DOC2A: variants seen among roughly 807,000 people sequenced by gnomAD.
DOC2A encodes double C2-like domain-containing protein alpha.
DOC2A carries 28 observed loss-of-function variants against 40.6 expected under a neutral mutation model. The ratio of observed to expected loss-of-function variants is 0.69; its 90% CI spans 0.51 to 0.95. DOC2A has a LOEUF of 0.95. Ranked by LOEUF, DOC2A falls within the 40% of genes least tolerant of loss-of-function variation. DOC2A has a pLI of 0.00. For synonymous variants in DOC2A, 241 were observed against 236.9 expected (o/e 1.02, Z -0.16); for missense variants, 474 against 552.5 (o/e 0.86, Z 1.42).
At chr16:30,018,808 AG>A (rs2070882377) in intron 1 of DOC2A, 1 of 152,288 alleles carries the variant, frequency 6.6e-6, no homozygotes, top group Non-Finnish European at 1.5e-5. Context: ...GAATATAGAT[AG>A]CAAGACAAGG....
chr16:30,007,536 C>A, intron 5 of DOC2A: 1 of 582,618 alleles, frequency 1.7e-6, no homozygotes, highest in Non-Finnish European at 3.1e-6. Context: ...CCTCAGAAAT[C>A]TTGGAGCACG....
chr16:30,016,055 ATTTTTT>A (rs59271933), upstream of DOC2A, among the ~76,000 whole-genome samples: 22 of 16,888 alleles, frequency 1.3e-3, no homozygotes, highest in South Asian at 7.6e-3. Flanking sequence ...ATATATATAT[ATTTTTT>A]TTTTTTTTTT....
upstream of DOC2A, among the ~76,000 whole-genome samples, chr16:30,013,000 C>CAAAA (rs1440483207): frequency 1.3e-5 from 2 of 151,496 alleles, no homozygotes; most frequent in East Asian, 3.9e-4. Flanking sequence ...TCAAAACAAA[C>CAAAA]AAACAAACAA....
At chr16:30,020,155 T>C (rs1040623450) in intron 1 of DOC2A, among the ~76,000 whole-genome samples, 36 of 151,986 alleles carry the variant, frequency 2.4e-4, no homozygotes, top group African/African-American at 8.2e-4. Flanking sequence ...GTGATCCACT[T>C]GCCTCGGCCT....
upstream of DOC2A, among the ~76,000 whole-genome samples, chr16:30,015,838 C>T (rs1199677439): frequency 6.7e-6 from 1 of 148,936 alleles, no homozygotes; most frequent in African/African-American, 2.5e-5. Context: ...GTAGCTGGGA[C>T]TATAGGTATG....
chr16:30,017,235 A>G (rs2070863418), upstream of DOC2A, among the ~76,000 whole-genome samples: 1 of 151,624 alleles, frequency 6.6e-6, no homozygotes, highest in Non-Finnish European at 1.5e-5. Flanking sequence ...GCCAAGATCA[A>G]GCCACTGTAC....
At position 30,011,020 on chromosome 16, in the gene DOC2A, G is replaced by A. The variant is rs533704391; in HGVS notation, c.-131C>T. The A allele has an allele frequency of 1.0e-5, 10 of 988,194 alleles. No homozygotes were observed. The South Asian group carries it at 3.5e-4, about 34-fold the overall frequency. The allele number at this position is 988,194 out of a possible 1,614,324, so 61.2% of individuals were successfully genotyped here. ...CGAGCCGAGAGGGAGGGAGCGCCGA[G>A]AAAGTGCGGGGAGGAGGGGGTGAGC... is the stretch of plus-strand genomic sequence containing the variant. On this transcript the variant is annotated 5_prime_UTR_variant, in exon 1 of 11. Coordinates refer to ENST00000350119, the MANE Select transcript of DOC2A (RefSeq NM_003586.3).
Position 30,006,704 on chromosome 16 carries a change from C to A in DOC2A, c.879-27G>T. On this transcript the variant is annotated intron_variant, in intron 8 of 10. Transcript: ENST00000350119. This position sits in a 1 kb window ranked among gnomAD's most constrained non-coding sequence, Gnocchi z 6.2. ...TGGGGGTGGGGTGGAGGGAGACGAA[C>A]TGAGGGGTGAGGGACAGGCCAGGCC... 5 of 1,613,750 alleles carry A rather than the reference C, an allele frequency of 3.1e-6. No homozygotes were observed. The highest frequency in any genetic ancestry group is 4.2e-6 in the Non-Finnish European group (5 of 1,179,940).
In DOC2A at chr16:30,010,359, G is replaced by A. The variant is rs1447253172; in HGVS notation, c.-13-124C>T. On this transcript the variant is annotated intron_variant, in intron 1 of 10. Transcript: ENST00000350119. The surrounding 1 kb of genome is among the most constrained non-coding windows in gnomAD (Gnocchi z 4.2). ...TCCCTTCCTAGGTGTCGAGGGAGAG[G>A]GTGGTGTGTGCCAGCCGGTGGCAGG... 4.4e-6 allele frequency: 6 copies of A among 1,364,376 alleles called. No individual in the cohort carries two copies. Among genetic ancestry groups the A allele is most frequent in the Non-Finnish European group, 6.2e-6 (6 of 974,300 alleles). 84.5% of individuals were successfully genotyped at this position (1,364,376 alleles called of 1,614,324 possible).
Position 30,009,139 on chromosome 16 carries a change from G to C in DOC2A, c.418-34C>G. ...TGGGGATGAAAGGTTCTCAATACCT[G>C]TCCTCCAGCCCCACAGGCTGGAGTC... On this transcript the variant is annotated intron_variant, in intron 4 of 10. Transcript: ENST00000350119. The surrounding 1 kb of genome is among the most constrained non-coding windows in gnomAD (Gnocchi z 4.1). The C allele has an allele frequency of 1.2e-6, 2 of 1,605,514 alleles. No homozygotes were observed. Among genetic ancestry groups the C allele is most frequent in the Non-Finnish European group, 8.5e-7 (1 of 1,172,204 alleles).
At chr16:30,021,682 C>G (rs1220211410), upstream of DOC2A, 1 of 152,216 alleles carries the variant, frequency 6.6e-6, no homozygotes, top group Non-Finnish European at 1.5e-5. Context: ...CTGCGCCTTT[C>G]CTAGGGTGGG....
In DOC2A at chr16:30,006,460, T is replaced by G; in HGVS notation, c.1010A>C (p.Glu337Ala). The change falls in exon 10 of 11, where the codon GAA (glutamate) becomes GCA (alanine). Residue 337 changes from glutamate to alanine, a missense_variant. By Grantham distance (107) the Glu-to-Ala change is moderately radical. Coordinates refer to ENST00000350119, the MANE Select transcript of DOC2A (RefSeq NM_003586.3). This position sits in a 1 kb window ranked among gnomAD's most constrained non-coding sequence, Gnocchi z 6.2. ...ELSTLATKTL[E>A]VTVWDYDIGK... Reference sequence around the variant, plus strand: ...AATGTCATAGTCCCAGACGGTGACTTCCAGGGTCTTGGTGGCCAGAGTGGA... The same window carrying G: ...AATGTCATAGTCCCAGACGGTGACTGCCAGGGTCTTGGTGGCCAGAGTGGA... The G allele has an allele frequency of 6.2e-7, 1 of 1,613,402 alleles. No individual in the cohort carries two copies.
At position 30,010,159 on chromosome 16, in the gene DOC2A, A is replaced by G; in HGVS notation, c.64T>C (p.Cys22Arg). 1 of 1,613,952 alleles carries G rather than the reference A, an allele frequency of 6.2e-7. No homozygotes were observed. Among genetic ancestry groups the G allele is most frequent in the Non-Finnish European group, 8.5e-7 (1 of 1,179,938 alleles). ...NIQEHMAINV[C>R]PGPIRPIRQI... Reference sequence around the variant, plus strand: ...CGGATGGGCCGGATGGGCCCGGGGCACACGTTGATGGCCATGTGCTCCTGG... The same window carrying G: ...CGGATGGGCCGGATGGGCCCGGGGCGCACGTTGATGGCCATGTGCTCCTGG... The change falls in exon 2 of 11, where the codon TGC becomes CGC. Residue 22 changes from cysteine to arginine, a missense_variant. Cys to Arg is a radical substitution (Grantham distance 180, BLOSUM62 -3). Transcript: ENST00000350119. This position sits in a 1 kb window ranked among gnomAD's most constrained non-coding sequence, Gnocchi z 4.2.
chr16:30,007,191 G>A lies in DOC2A; in HGVS notation c.636C>T (p.Cys212=). The A allele has an allele frequency of 6.2e-7, 1 of 1,614,038 alleles. No individual in the cohort carries two copies. The highest frequency in any genetic ancestry group is 1.3e-5 in the African/African-American group (1 of 75,062). ...CACAGACCGGGACCTGGCGCTCGAG[G>A]CAGATGTTAAAATGCTTCTTCTGCG... ...KPSQKKHFNI[C]LERQVPLASP... The change falls in exon 6 of 11, where the codon TGC becomes TGT. Residue 212 remains cysteine (C), a synonymous_variant. Coordinates refer to ENST00000350119, the MANE Select transcript of DOC2A (RefSeq NM_003586.3).
At position 30,009,427 on chromosome 16, in the gene DOC2A, T is replaced by A. The variant is rs576762890; in HGVS notation, c.342+51A>T. 180 of 1,530,510 alleles carry A rather than the reference T, an allele frequency of 1.2e-4. 2 individuals are homozygous for A. In the South Asian group the frequency reaches 2.0e-3, roughly 17 times the overall value. The allele number at this position is 1,530,510 out of a possible 1,614,324, so 94.8% of individuals were successfully genotyped here. ...AAGGGAAGGAGGAATGGGCCCCCTC[T>A]GGGGGCTGCACGCAAACCGGGCCCG... On this transcript the variant is annotated intron_variant, in intron 3 of 10. Transcript: ENST00000350119. The surrounding 1 kb of genome is among the most constrained non-coding windows in gnomAD (Gnocchi z 4.1).
chr16:30,009,840 C>G lies in DOC2A; in HGVS notation c.262+121G>C, dbSNP rs1200805439. ...GCTGTGGTGGCCGTCCCTGCCACCC[C>G]CCCACTGCCCTCCTCCCCTACCTAC... On this transcript the variant is annotated intron_variant, in intron 2 of 10. Transcript: ENST00000350119. This position sits in a 1 kb window ranked among gnomAD's most constrained non-coding sequence, Gnocchi z 4.1. 16 of 1,147,602 alleles carry G rather than the reference C, an allele frequency of 1.4e-5. No homozygotes were observed. Among genetic ancestry groups the G allele is most frequent in the East Asian group, 2.5e-5 (1 of 39,620 alleles). The allele number at this position is 1,147,602 out of a possible 1,614,324, so 71.1% of individuals were successfully genotyped here.
At chr16:30,022,133 C>T (rs950123415), upstream of DOC2A, among the ~76,000 whole-genome samples, 3 of 151,324 alleles carry the variant, frequency 2.0e-5, no homozygotes, top group African/African-American at 7.3e-5. Context: ...GCCTGTAATC[C>T]CACTCCAGGA....
chr16:30,020,513 C>T (rs545633396), intron 1 of DOC2A, among the ~76,000 whole-genome samples: 2 of 152,042 alleles, frequency 1.3e-5, no homozygotes, highest in African/African-American at 2.4e-5. Context: ...TTGAGACCAG[C>T]CTGGGCAACA....
Position 30,009,620 on chromosome 16 carries a change from G to A in DOC2A, c.263-63C>T, listed in dbSNP as rs74689929. ...GACAGGTGTGTGCGAGAGGCCAGCA[G>A]GTGGGCACTGGCTCTGTGTGTCTCT... On this transcript the variant is annotated intron_variant, in intron 2 of 10. Transcript: ENST00000350119. The surrounding 1 kb of genome is among the most constrained non-coding windows in gnomAD (Gnocchi z 4.1). The A allele has an allele frequency of 1.4e-3, 1,915 of 1,393,172 alleles. 25 individuals are homozygous for A. In the African/African-American group the frequency reaches 0.025, roughly 18 times the overall value. 86.3% of individuals were successfully genotyped at this position (1,393,172 alleles called of 1,614,324 possible).
Sources: allele counts gnomAD v4.1 joint callset (sites outside exome capture counted in the v4.1 genomes callset), GRCh38; gene constraint gnomAD v4.1.1; non-coding constraint Gnocchi (gnomAD v3.1); transcripts MANE v1.5; gene names NCBI Gene and HGNC (gene_info 2026-07-23, HGNC 2026-07-21).